Variants in DISC1 observed in about 807,000 individuals in gnomAD.
DISC1 encodes disrupted in schizophrenia 1 protein.
In DISC1, 57 loss-of-function variants were observed where a neutral mutation model predicts 84.5. That is an observed-to-expected ratio of 0.67 (90% CI 0.55 to 0.84). The LOEUF is 0.84. DISC1 is among the 40% of genes least tolerant of loss of function. The probability of loss-of-function intolerance (pLI) is 0.00; values close to 1 mark genes in which losing one functional copy is unlikely to be tolerated. For missense variants in DISC1, 1,000 were observed against 1,057.8 expected (o/e 0.95, Z 0.76); for synonymous variants, 411 against 415.2 (o/e 0.99, Z 0.12).
chr1:231,843,292 C>T (rs576627502), intron 9 of DISC1, among the ~76,000 whole-genome samples: 7 of 152,134 alleles, frequency 4.6e-5, no homozygotes, highest in Non-Finnish European at 8.8e-5. Flanking sequence ...AGTGGGGCTG[C>T]GTTGTTCAGT....
In DISC1 at chr1:231,923,878, C is replaced by T. The variant is rs116409296; in HGVS notation, c.1982-34950C>T. ...CAAGAATTCTGCTTCTGAACAGCTT[C>T]GTTTTTGGGCCAGAGAATTGTTTCC... On this transcript the variant is annotated intron_variant, in intron 9 of 12. Transcript: ENST00000439617. Among the ~76,000 whole-genome samples, 560 of 152,290 alleles carry T rather than the reference C, an allele frequency of 3.7e-3. 3 individuals carry two copies. The highest frequency in any genetic ancestry group is 0.01 in the Admixed American group (158 of 15,300).
At position 231,753,818 on chromosome 1, in the gene DISC1, G is replaced by A. The variant is rs868453858; in HGVS notation, c.1268+3742G>A. ...AGAATAGGTTGTTAGAAGCAGCCAG[G>A]CCACATCTTGAATGCTTTGCTGCTT... On this transcript the variant is annotated intron_variant, in intron 4 of 12. Coordinates refer to ENST00000439617, the MANE Select transcript of DISC1 (RefSeq NM_018662.3). Among the ~76,000 whole-genome samples, 12 of 152,242 alleles carry A rather than the reference G, an allele frequency of 7.9e-5. No homozygotes were observed. The South Asian group carries it at 2.5e-3, about 32-fold the overall frequency.
chr1:231,706,507 G>A (rs1270004018), intron 3 of DISC1, among the ~76,000 whole-genome samples: 1 of 152,206 alleles, frequency 6.6e-6, no homozygotes, highest in Non-Finnish European at 1.5e-5. Context: ...CTTCCGATGT[G>A]AGCAAGGAGA....
At chr1:232,006,136 C>T (rs1287015728) in intron 10 of DISC1, among the ~76,000 whole-genome samples, 1 of 152,160 alleles carries the variant, frequency 6.6e-6, no homozygotes, top group Non-Finnish European at 1.5e-5. Flanking sequence ...CCCTTCCCTG[C>T]TCCACACATT....
intron 9 of DISC1, among the ~76,000 whole-genome samples, chr1:231,866,936 A>G (rs551732272): frequency 6.6e-5 from 10 of 152,244 alleles, no homozygotes; most frequent in African/African-American, 2.4e-4. Flanking sequence ...TTCAAAAGAA[A>G]GATGCCATTT....
At chr1:231,694,911 G>A in intron 2 of DISC1, 106 bp downstream of exon 2, 2 of 1,510,888 alleles carry the variant, frequency 1.3e-6, no homozygotes, top group Non-Finnish European at 1.8e-6. Context: ...ACTTCCTCCT[G>A]GAAGCTGCAG....
At chr1:231,983,343 T>G (rs967770105) in intron 10 of DISC1, among the ~76,000 whole-genome samples, 4 of 151,226 alleles carry the variant, frequency 2.6e-5, no homozygotes, top group Non-Finnish European at 5.9e-5. Context: ...GCTGTATGCT[T>G]GCAGGAGTCA....
chr1:231,864,328 C>T (rs998938189), intron 9 of DISC1, among the ~76,000 whole-genome samples: 1 of 152,042 alleles, frequency 6.6e-6, no homozygotes, highest in African/African-American at 2.4e-5. Context: ...GGCTCATAAG[C>T]GTTGCCTCTG....
At chr1:231,934,521 A>G (rs1229964203) in intron 9 of DISC1, among the ~76,000 whole-genome samples, 1 of 152,194 alleles carries the variant, frequency 6.6e-6, no homozygotes, top group Non-Finnish European at 1.5e-5. Flanking sequence ...TTTTTAAGTG[A>G]CGCAAATCAC....
chr1:231,754,840 T>C (rs2074963255), intron 4 of DISC1, among the ~76,000 whole-genome samples: 1 of 152,200 alleles, frequency 6.6e-6, no homozygotes, highest in African/African-American at 2.4e-5. Context: ...TAAACATTTA[T>C]CAAGCCAATA....
At chr1:231,848,146 TAC>T (rs1262500290) in intron 9 of DISC1, among the ~76,000 whole-genome samples, 1 of 152,162 alleles carries the variant, frequency 6.6e-6, no homozygotes, top group Non-Finnish European at 1.5e-5. Flanking sequence ...GGTATTTTTG[TAC>T]ACAGTGACTT....
At chr1:231,896,633 A>G (rs189398420) in intron 9 of DISC1, among the ~76,000 whole-genome samples, 23 of 152,314 alleles carry the variant, frequency 1.5e-4, no homozygotes, top group African/African-American at 5.3e-4. Context: ...TAGATGTTGT[A>G]TAAGTGGCTC....
rs528160309 is a variant in DISC1 at position 232,032,404 on chromosome 1, A to G, written c.2426-4288A>G. On this transcript the variant is annotated intron_variant, in intron 12 of 12. Transcript: ENST00000439617. The stretch of plus-strand genomic sequence containing the variant: ...AAATGACAATATTGCCTTATCATCT[A>G]TTCCTGAATGCACCTGTCCTGCTGT... 8.5e-5 allele frequency among the ~76,000 whole-genome samples: 13 copies of G among 152,296 alleles called. 1 individual carries two copies. The South Asian group carries it at 2.7e-3, about 32-fold the overall frequency.
chr1:231,840,604 T>C (rs1400240608), intron 9 of DISC1, among the ~76,000 whole-genome samples: 1 of 152,144 alleles, frequency 6.6e-6, no homozygotes, highest in African/African-American at 2.4e-5. Flanking sequence ...AAGAGACCTC[T>C]AAGGGCAGGG....
At chr1:232,007,966 T>G (rs1667664474) in intron 10 of DISC1, among the ~76,000 whole-genome samples, 1 of 152,198 alleles carries the variant, frequency 6.6e-6, no homozygotes, top group Non-Finnish European at 1.5e-5. Flanking sequence ...TCTTTCCCCC[T>G]GCGTTCTGCA....
chr1:231,721,702 T>A (rs968744812), intron 3 of DISC1, among the ~76,000 whole-genome samples: 9 of 152,094 alleles, frequency 5.9e-5, no homozygotes, highest in Non-Finnish European at 1.0e-4. Flanking sequence ...AGAGATGCCT[T>A]AGGGAAGGCT....
At chr1:231,723,855 C>A (rs748242232) in intron 3 of DISC1, 24 of 985,246 alleles carry the variant, frequency 2.4e-5, no homozygotes, top group Admixed American at 1.2e-4. Flanking sequence ...ATCTTCTTAC[C>A]CAAACAACCA....
At chr1:231,813,694 C>G (rs1013963713) in intron 8 of DISC1, among the ~76,000 whole-genome samples, 6 of 152,162 alleles carry the variant, frequency 3.9e-5, no homozygotes, top group Non-Finnish European at 8.8e-5. Context: ...TGTTTTGAAG[C>G]AACTTCCTTG....
chr1:231,718,913 G>A (rs901678559), intron 3 of DISC1, among the ~76,000 whole-genome samples: 1 of 152,210 alleles, frequency 6.6e-6, no homozygotes, highest in African/African-American at 2.4e-5. Flanking sequence ...TGAGGTGGAA[G>A]GACTTGAGGC....
Sources: allele counts gnomAD v4.1 joint callset (sites outside exome capture counted in the v4.1 genomes callset), GRCh38; gene constraint gnomAD v4.1.1; transcripts MANE v1.5; gene names NCBI Gene and HGNC (gene_info 2026-07-23, HGNC 2026-07-21).